ROBO1: variants seen among roughly 807,000 people sequenced by gnomAD.
ROBO1 encodes roundabout guidance receptor 1.
ROBO1 carries 149 observed loss-of-function variants against 195.9 expected under a neutral mutation model. The observed-to-expected ratio is 0.76, with a 90% confidence interval of 0.67 to 0.87. The LOEUF is 0.87. Among genes scored for constraint, ROBO1 ranks in the 40% least tolerant of loss-of-function variants. The pLI is 0.00. For missense variants in ROBO1, 1,933 were observed against 2,068.3 expected (o/e 0.93, Z 1.27); for synonymous variants, 816 against 733.2 (o/e 1.11, Z -1.82).
intron 2 of ROBO1, among the ~76,000 whole-genome samples, chr3:79,196,622 A>G (rs2108768079): frequency 6.6e-6 from 1 of 151,818 alleles, no homozygotes. Flanking sequence ...GAAATTTTTA[A>G]AAGAAAAACA....
At chr3:79,334,971 G>A (rs1011488829) in intron 2 of ROBO1, among the ~76,000 whole-genome samples, 26 of 151,954 alleles carry the variant, frequency 1.7e-4, no homozygotes, top group Admixed American at 1.5e-3. Flanking sequence ...AAATTAATTA[G>A]CCAGGCATGT....
At chr3:78,931,810 A>C (rs1368422491) in intron 4 of ROBO1, among the ~76,000 whole-genome samples, 5 of 152,058 alleles carry the variant, frequency 3.3e-5, no homozygotes, top group Non-Finnish European at 4.4e-5. Context: ...CACAAAAAGT[A>C]AAAACAAAAC....
chr3:79,519,088 C>G (rs1249160846), intron 2 of ROBO1, among the ~76,000 whole-genome samples: 2 of 152,082 alleles, frequency 1.3e-5, no homozygotes. Context: ...GAATGCTTCT[C>G]GTTCCAGAAC....
At chr3:78,933,677 T>C (rs1166877715) in intron 4 of ROBO1, among the ~76,000 whole-genome samples, 1 of 152,080 alleles carries the variant, frequency 6.6e-6, no homozygotes, top group Non-Finnish European at 1.5e-5. Flanking sequence ...GAACATATTC[T>C]GAGTGATAGC....
intron 3 of ROBO1, among the ~76,000 whole-genome samples, chr3:78,957,281 A>G (rs983990446): frequency 3.3e-5 from 5 of 150,582 alleles, no homozygotes; most frequent in African/African-American, 1.2e-4. Flanking sequence ...TCTGCACTAG[A>G]TGCTGGTGAT....
chr3:79,644,312 T>C (rs538042051), intron 1 of ROBO1, among the ~76,000 whole-genome samples: 1 of 152,108 alleles, frequency 6.6e-6, no homozygotes, highest in Non-Finnish European at 1.5e-5. Context: ...AGACAGAAAA[T>C]GAACATAGAA....
intron 1 of ROBO1, among the ~76,000 whole-genome samples, chr3:79,627,971 A>G (rs1437826788): frequency 6.6e-6 from 1 of 152,236 alleles, no homozygotes; most frequent in East Asian, 1.9e-4. Flanking sequence ...GATTATCAAA[A>G]TGTCAGGAAA....
intron 3 of ROBO1, among the ~76,000 whole-genome samples, chr3:79,086,304 C>A (rs1288574962): frequency 5.3e-5 from 8 of 151,318 alleles, no homozygotes; most frequent in Non-Finnish European, 1.0e-4. Flanking sequence ...TTAAAAATCT[C>A]TTTCATGTAA....
At chr3:78,943,927 T>C (rs563596077) in intron 3 of ROBO1, among the ~76,000 whole-genome samples, 3 of 152,334 alleles carry the variant, frequency 2.0e-5, no homozygotes, top group Admixed American at 6.5e-5. Flanking sequence ...TTATGAGTGA[T>C]TGGTTAACTT....
intron 1 of ROBO1, among the ~76,000 whole-genome samples, chr3:79,675,098 T>C (rs1946746338): frequency 6.6e-6 from 1 of 151,984 alleles, no homozygotes; most frequent in Non-Finnish European, 1.5e-5. Flanking sequence ...TTTAATGATA[T>C]CAAGCTTGAG....
At chr3:79,167,621 G>C (rs1327210655) in intron 2 of ROBO1, among the ~76,000 whole-genome samples, 1 of 152,022 alleles carries the variant, frequency 6.6e-6, no homozygotes, top group Non-Finnish European at 1.5e-5. Context: ...CAATTAAAAA[G>C]AAAAGCAAAA....
chr3:79,104,705 T>G (rs2079744712), intron 3 of ROBO1, among the ~76,000 whole-genome samples: 1 of 151,734 alleles, frequency 6.6e-6, no homozygotes, highest in African/African-American at 2.4e-5. Flanking sequence ...CAAGACTACT[T>G]TACTAGATTA....
At chr3:78,953,544 G>A (rs1050367480) in intron 3 of ROBO1, among the ~76,000 whole-genome samples, 1 of 151,838 alleles carries the variant, frequency 6.6e-6, no homozygotes, top group Non-Finnish European at 1.5e-5. Context: ...GTCTACCAAG[G>A]GAGGCAGAAA....
chr3:78,843,722 G>A, intron 4 of ROBO1, among the ~76,000 whole-genome samples: 1 of 152,018 alleles, frequency 6.6e-6, no homozygotes. Context: ...TCATAGAACT[G>A]TAGCAAAAAT....
chr3:78,681,711 T>C (rs1460826417), intron 10 of ROBO1, among the ~76,000 whole-genome samples: 2 of 152,112 alleles, frequency 1.3e-5, no homozygotes, highest in Non-Finnish European at 2.9e-5. Flanking sequence ...AAGACCATCC[T>C]GGCTAACACG....
intron 21 of ROBO1, among the ~76,000 whole-genome samples, chr3:78,644,188 T>C (rs1706139256): frequency 6.6e-6 from 1 of 152,094 alleles, no homozygotes; most frequent in Admixed American, 6.6e-5. Flanking sequence ...TGAGGCCCCT[T>C]CGTAAAGCAT....
rs568739297 is a variant in ROBO1 at position 79,346,410 on chromosome 3, T to C, written c.89-220871A>G. ...AAGTATGTTGGGATTTTCTACATCA[T>C]CATAATTGTAGAATTATGTCTGTCT... On this transcript the variant is annotated intron_variant, in intron 2 of 30. Coordinates refer to ENST00000464233, the MANE Select transcript of ROBO1 (RefSeq NM_002941.4). 3.9e-5 allele frequency among the ~76,000 whole-genome samples: 6 copies of C among 152,282 alleles called. No homozygotes were observed. The South Asian group carries it at 8.3e-4, about 21-fold the overall frequency.
chr3:78,838,218 C>T (rs2032904355), intron 4 of ROBO1, among the ~76,000 whole-genome samples: 1 of 152,022 alleles, frequency 6.6e-6, no homozygotes, highest in Non-Finnish European at 1.5e-5. Flanking sequence ...CATAAATGGT[C>T]ATTATAAAAG....
intron 4 of ROBO1, among the ~76,000 whole-genome samples, chr3:78,931,342 G>A (rs2039521430): frequency 7.0e-6 from 1 of 142,640 alleles, no homozygotes; most frequent in African/African-American, 2.6e-5. Flanking sequence ...CCAGGTTCAA[G>A]TGATTCTCCT....
Sources: allele counts gnomAD v4.1 joint callset (sites outside exome capture counted in the v4.1 genomes callset), GRCh38; gene constraint gnomAD v4.1.1; transcripts MANE v1.5; gene names NCBI Gene and HGNC (gene_info 2026-07-23, HGNC 2026-07-21).